The following PIK3C2G variants were observed in gnomAD, a reference collection of about 807,000 sequenced individuals.
The protein encoded by PIK3C2G is phosphatidylinositol-4-phosphate 3-kinase catalytic subunit type 2 gamma.
A neutral mutation model predicts 181.1 loss-of-function variants in PIK3C2G; 168 were observed. The observed-to-expected ratio is 0.93, with a 90% CI of 0.82 to 1.05. The LOEUF (loss-of-function observed/expected upper bound fraction) is 1.05. Among genes scored for constraint, PIK3C2G ranks in the 50% least tolerant of loss-of-function variants. PIK3C2G has a pLI of 0.00. For synonymous variants in PIK3C2G, 573 were observed against 592.2 expected (o/e 0.97, Z 0.47); for missense variants, 1,869 against 1,732.8 (o/e 1.08, Z -1.40).
At chr12:18,647,848 A>G in intron 32 of PIK3C2G, 28 bp from the exon 33 acceptor site, 2 of 1,393,470 alleles carry the variant, frequency 1.4e-6, no homozygotes, top group Non-Finnish European at 1.9e-6. Flanking sequence ...TTTCTGATTT[A>G]TATTTTCATT....
At chr12:18,433,816 T>A (rs966018542) in intron 18 of PIK3C2G, among the ~76,000 whole-genome samples, 1 of 152,116 alleles carries the variant, frequency 6.6e-6, no homozygotes, top group Non-Finnish European at 1.5e-5. Flanking sequence ...TAATAAAATG[T>A]AGGCAAATGA....
intron 18 of PIK3C2G, among the ~76,000 whole-genome samples, chr12:18,440,207 A>T (rs549725848): frequency 2.0e-5 from 3 of 152,176 alleles, no homozygotes; most frequent in Non-Finnish European, 4.4e-5. Flanking sequence ...ATGCAGGCTT[A>T]TATCTGTAAG....
chr12:18,661,457 A>C, the PIK3C2G span, among the ~76,000 whole-genome samples: 1 of 152,216 alleles, frequency 6.6e-6, no homozygotes, highest in East Asian at 1.9e-4. Context: ...TTATATATTT[A>C]AAGTGCTAAA....
chr12:18,476,440 T>C (rs1939003617), intron 18 of PIK3C2G, among the ~76,000 whole-genome samples: 1 of 152,096 alleles, frequency 6.6e-6, no homozygotes, highest in African/African-American at 2.4e-5. Context: ...TTCTATTTTA[T>C]CCCGGGGAAG....
intron 5 of PIK3C2G, among the ~76,000 whole-genome samples, chr12:18,306,824 G>C (rs1950440537): frequency 6.6e-6 from 1 of 151,892 alleles, no homozygotes. Context: ...GAAGCTGTCA[G>C]CAATCCTGGT....
At chr12:18,440,364 T>C (rs999903391) in intron 18 of PIK3C2G, among the ~76,000 whole-genome samples, 2 of 152,140 alleles carry the variant, frequency 1.3e-5, no homozygotes, top group Non-Finnish European at 2.9e-5. Flanking sequence ...CAGTCCTTCC[T>C]TATGTAGCTT....
At chr12:18,498,026 T>C (rs949461113) in intron 22 of PIK3C2G, among the ~76,000 whole-genome samples, 3 of 152,216 alleles carry the variant, frequency 2.0e-5, no homozygotes, top group Non-Finnish European at 4.4e-5. Context: ...TGAGTTTCAT[T>C]AATAACTTAC....
chr12:18,666,291 G>C, the PIK3C2G span, among the ~76,000 whole-genome samples: 1 of 151,380 alleles, frequency 6.6e-6, no homozygotes, highest in East Asian at 1.9e-4. Context: ...TCAATTAAAG[G>C]GCATATTTGG....
At chr12:18,367,848 C>A (rs543537059) in intron 12 of PIK3C2G, among the ~76,000 whole-genome samples, 1 of 152,174 alleles carries the variant, frequency 6.6e-6, no homozygotes, top group Non-Finnish European at 1.5e-5. Flanking sequence ...GCCACCACCC[C>A]TGGCTGAGAC....
intron 14 of PIK3C2G, among the ~76,000 whole-genome samples, chr12:18,386,312 A>G (rs1266137350): frequency 1.3e-5 from 2 of 152,164 alleles, no homozygotes; most frequent in Admixed American, 6.5e-5. Flanking sequence ...ATACCATACT[A>G]TCCTCCCATT....
intron 11 of PIK3C2G, among the ~76,000 whole-genome samples, chr12:18,352,846 C>T (rs909284125): frequency 1.8e-4 from 27 of 152,144 alleles, no homozygotes; most frequent in African/African-American, 6.0e-4. Flanking sequence ...TGCATCTTGC[C>T]GATGTCAGAC....
chr12:18,348,879 T>A (rs1171984226), intron 11 of PIK3C2G, among the ~76,000 whole-genome samples: 4 of 152,120 alleles, frequency 2.6e-5, no homozygotes, highest in Non-Finnish European at 4.4e-5. Flanking sequence ...TGAGTTGCAG[T>A]CAAACTGTTG....
the PIK3C2G span, chr12:18,693,378 G>A: frequency 3.1e-6 from 5 of 1,603,852 alleles, no homozygotes; most frequent in Admixed American, 1.7e-5. Flanking sequence ...TAAGGAATCT[G>A]TGGAGCTTCC....
the PIK3C2G span, among the ~76,000 whole-genome samples, chr12:18,687,570 T>TTCCCTTAA: frequency 6.6e-6 from 1 of 152,272 alleles, no homozygotes; most frequent in East Asian, 1.9e-4. Context: ...CCAAAGTTAT[T>TTCCCTTAA]TCCCTTAATT....
chr12:18,627,001 C>T (rs1043705890), intron 31 of PIK3C2G, among the ~76,000 whole-genome samples: 1 of 151,742 alleles, frequency 6.6e-6, no homozygotes, highest in Non-Finnish European at 1.5e-5. Flanking sequence ...GTATTTAATT[C>T]CTTTTACTCA....
intron 31 of PIK3C2G, among the ~76,000 whole-genome samples, chr12:18,619,940 GT>G (rs1374953139): frequency 6.6e-6 from 1 of 151,964 alleles, no homozygotes. Context: ...TAGCCAGGAT[GT>G]TCTCCATCTC....
intron 29 of PIK3C2G, among the ~76,000 whole-genome samples, chr12:18,575,278 T>A (rs1416298993): frequency 1.3e-5 from 2 of 152,304 alleles, no homozygotes; most frequent in Middle Eastern, 3.4e-3. Context: ...TATAAGAATG[T>A]TAAATATTGG....
the PIK3C2G span, among the ~76,000 whole-genome samples, chr12:18,695,807 C>G: frequency 6.6e-6 from 1 of 152,122 alleles, no homozygotes; most frequent in African/African-American, 2.4e-5. Context: ...ATAGAGGTCA[C>G]TTGATTTGAA....
chr12:18,391,106 AT>A lies in PIK3C2G; in HGVS notation c.1996-8del. ...AGACACCTTCAACACATGGCAAATC[AT>A]TTTTTTTCTTTCAGATTGATTTTCC... On this transcript the variant is annotated splice_polypyrimidine_tract_variant and intron_variant, in intron 14 of 32. Coordinates refer to ENST00000538779, the MANE Select transcript of PIK3C2G (RefSeq NM_001288772.2). 26 of 1,586,172 alleles carry A rather than the reference AT, an allele frequency of 1.6e-5. No homozygotes were observed. The highest frequency in any genetic ancestry group is 1.2e-4 in the South Asian group (10 of 85,572).
Sources: gnomAD v4.1 joint callset for allele counts (sites outside exome capture counted in the v4.1 genomes callset) on GRCh38, gnomAD v4.1.1 for gene constraint, MANE v1.5 for transcripts, NCBI Gene and HGNC (gene_info 2026-07-23, HGNC 2026-07-21) for gene names.